Variants in POU3F3 observed in about 807,000 individuals in gnomAD.
POU3F3 encodes the protein POU domain, class 3, transcription factor 3.
In POU3F3, 1 loss-of-function variant was observed where a neutral mutation model predicts 8.6. The observed-to-expected ratio is 0.12, with a 90% CI of 0.04 to 0.55. The LOEUF is 0.55. Ranked by LOEUF, POU3F3 falls within the 20% of genes least tolerant of loss-of-function variation. The pLI is 0.91. For missense variants in POU3F3, 577 were observed against 690.7 expected, an observed-to-expected ratio of 0.84 and a Z score of 1.84; for synonymous variants, 418 against 327.4, an observed-to-expected ratio of 1.28 and a Z score of -2.99.
rs1338611898 is a variant in POU3F3, at chr2:104,856,080, C to CGCCGCT, written c.576_581dup (p.Ala203_Ala204dup). Reference sequence around the variant, plus strand: ...GCCACCCTGGGGGCTGGGGGGCGGCCGCCGCTGCCGCAGCCGCAGCCGCCG... The same window carrying CGCCGCT: ...GCCACCCTGGGGGCTGGGGGGCGGCCGCCGCTGCCGCTGCCGCAGCCGCAGCCGCCG... On this transcript the variant is annotated inframe_insertion, in exon 1 of 1. Transcript: ENST00000361360. 6 of 1,015,718 alleles carry CGCCGCT rather than the reference C, an allele frequency of 5.9e-6. No homozygotes were observed. Among genetic ancestry groups the CGCCGCT allele is most frequent in the Non-Finnish European group, 7.0e-6 (6 of 857,112 alleles). The allele number at this position is 1,015,718 out of a possible 1,614,324, so 62.9% of individuals were successfully genotyped here. A position where few individuals can be genotyped will look rare whatever the true frequency, so the allele number is the denominator to read the frequency against.
the POU3F3 span, among the ~76,000 whole-genome samples, chr2:104,892,192 C>A: frequency 1.3e-5 from 2 of 152,148 alleles, no homozygotes; most frequent in African/African-American, 2.4e-5. Flanking sequence ...CAGAGTGAGG[C>A]ATACTTTCTA....
the POU3F3 span, among the ~76,000 whole-genome samples, chr2:104,893,922 G>C: frequency 6.6e-6 from 1 of 151,874 alleles, no homozygotes; most frequent in African/African-American, 2.4e-5. Flanking sequence ...TGCGCGCCAA[G>C]GGGTTTGTAC....
the POU3F3 span, among the ~76,000 whole-genome samples, chr2:104,876,074 G>C: frequency 6.6e-6 from 1 of 152,176 alleles, no homozygotes; most frequent in African/African-American, 2.4e-5. Flanking sequence ...GACAAAAATG[G>C]AGAGGTACAC....
At position 104,855,795 on chromosome 2, in the gene POU3F3, C is replaced by A. The variant is rs781413853; in HGVS notation, c.285C>A (p.His95Gln). Residue 95 changes from histidine (H) to glutamine (Q), a missense_variant, in exon 1 of 1, where the codon CAC becomes CAA. Physicochemically the swap from His to Gln is conservative, Grantham distance 24. This residue lies in a region of POU3F3 where 484 missense variants were observed against 422.6 expected (regional missense o/e 1.15). Transcript: ENST00000361360. ...SNGGHMLSHA[H>Q]QWVTALPHAA... ...GCGGCCATATGCTGAGCCACGCGCACCAGTGGGTCACAGCCCTGCCCCACG... is the reference window on the plus strand; with the variant it reads ...GCGGCCATATGCTGAGCCACGCGCAACAGTGGGTCACAGCCCTGCCCCACG... 2 of 1,307,424 alleles carry A rather than the reference C, an allele frequency of 1.5e-6. No homozygotes were observed. Among genetic ancestry groups the A allele is most frequent in the East Asian group, 4.5e-5 (1 of 22,198 alleles). 81.0% of individuals were successfully genotyped at this position (1,307,424 alleles called of 1,614,324 possible). A position where few individuals can be genotyped will look rare whatever the true frequency, so the allele number is the denominator to read the frequency against.
chr2:104,901,208 A>G, the POU3F3 span, among the ~76,000 whole-genome samples: 7,894 of 152,314 alleles, frequency 0.052, 277 homozygotes, highest in Middle Eastern at 0.14. Flanking sequence ...CCCAGGAGCA[A>G]GCCTGCCCAC....
chr2:104,879,764 A>C, the POU3F3 span, among the ~76,000 whole-genome samples: 5 of 152,126 alleles, frequency 3.3e-5, no homozygotes, highest in Non-Finnish European at 1.5e-5. Flanking sequence ...TGTGAAATTC[A>C]TACCTACCAA....
the POU3F3 span, among the ~76,000 whole-genome samples, chr2:104,876,636 A>C: frequency 6.6e-6 from 1 of 152,356 alleles, no homozygotes. Flanking sequence ...ATTTTAAGTG[A>C]AAGTATCCAG....
the POU3F3 span, among the ~76,000 whole-genome samples, chr2:104,876,011 C>A: frequency 6.6e-6 from 1 of 152,308 alleles, no homozygotes; most frequent in East Asian, 1.9e-4. Context: ...AGCCACCATG[C>A]CCAGCCTCTT....
the POU3F3 span, among the ~76,000 whole-genome samples, chr2:104,868,819 T>C: frequency 8.7e-4 from 132 of 152,344 alleles, no homozygotes; most frequent in African/African-American, 2.9e-3. Flanking sequence ...TTTATGCAAC[T>C]GAATGTGTCT....
At chr2:104,910,370 C>T in the POU3F3 span, among the ~76,000 whole-genome samples, 2 of 152,140 alleles carry the variant, frequency 1.3e-5, no homozygotes, top group South Asian at 4.2e-4. Context: ...CTTCTCTACT[C>T]TACAAATTAA....
the POU3F3 span, among the ~76,000 whole-genome samples, chr2:104,915,998 C>A: frequency 6.7e-6 from 1 of 149,374 alleles, no homozygotes; most frequent in African/African-American, 2.5e-5. Flanking sequence ...CTGTGTGCAC[C>A]TCCAGCAAGG....
At chr2:104,902,422 G>A in the POU3F3 span, among the ~76,000 whole-genome samples, 3 of 152,264 alleles carry the variant, frequency 2.0e-5, no homozygotes, top group Non-Finnish European at 2.9e-5. Context: ...GGGAATCACC[G>A]TGTTCCAGAA....
chr2:104,927,083 T>A, the POU3F3 span, among the ~76,000 whole-genome samples: 2 of 152,124 alleles, frequency 1.3e-5, no homozygotes, highest in Non-Finnish European at 2.9e-5. Context: ...AGTACATGTA[T>A]CCCAGAACTT....
the POU3F3 span, among the ~76,000 whole-genome samples, chr2:104,927,349 A>G: frequency 2.0e-5 from 3 of 152,242 alleles, no homozygotes; most frequent in Admixed American, 2.0e-4. Flanking sequence ...AAGACACACA[A>G]AAACAAAGAT....
At chr2:104,873,745 C>T in the POU3F3 span, among the ~76,000 whole-genome samples, 1 of 152,176 alleles carries the variant, frequency 6.6e-6, no homozygotes. Flanking sequence ...CCCTGCTTCC[C>T]AATTACCACC....
At chr2:104,886,993 G>A in the POU3F3 span, among the ~76,000 whole-genome samples, 1 of 152,150 alleles carries the variant, frequency 6.6e-6, no homozygotes, top group Non-Finnish European at 1.5e-5. Context: ...GAGCAGCCCC[G>A]AGGGCTGCTG....
At chr2:104,895,696 T>C in the POU3F3 span, among the ~76,000 whole-genome samples, 1 of 152,226 alleles carries the variant, frequency 6.6e-6, no homozygotes, top group African/African-American at 2.4e-5. Flanking sequence ...CTTATGTTAC[T>C]TTCCACTTCC....
chr2:104,913,753 C>A, the POU3F3 span, among the ~76,000 whole-genome samples: 1 of 152,152 alleles, frequency 6.6e-6, no homozygotes, highest in African/African-American at 2.4e-5. Context: ...ACCTATGCAC[C>A]CTGAACGTAG....
the POU3F3 span, among the ~76,000 whole-genome samples, chr2:104,914,512 T>G: frequency 6.6e-6 from 1 of 152,194 alleles, no homozygotes; most frequent in African/African-American, 2.4e-5. Flanking sequence ...TCCCTATATT[T>G]GCCCAACCAG....
Sources: gnomAD v4.1 joint callset for allele counts (sites outside exome capture counted in the v4.1 genomes callset) on GRCh38, gnomAD v4.1.1 for gene constraint, gnomAD v4.1.1 regional missense constraint, MANE v1.5 for transcripts, NCBI Gene and HGNC (gene_info 2026-07-23, HGNC 2026-07-21) for gene names.